Variants in SDK1 observed in about 807,000 individuals in gnomAD.
SDK1 encodes protein sidekick-1.
In SDK1, 157 loss-of-function variants were observed where a neutral mutation model predicts 245.5. The observed-to-expected ratio is 0.64, with a 90% CI of 0.56 to 0.73. SDK1 has a LOEUF of 0.73. Among genes scored for constraint, SDK1 ranks in the 30% least tolerant of loss-of-function variants. SDK1 has a pLI of 0.00. For synonymous variants in SDK1, 1,647 were observed against 1,278.5 expected, an observed-to-expected ratio of 1.29 and a Z score of -6.15; for missense variants, 3,583 against 3,002.3, an observed-to-expected ratio of 1.19 and a Z score of -4.52.
intron 4 of SDK1, among the ~76,000 whole-genome samples, chr7:3,713,571 A>G (rs1785111253): frequency 6.6e-6 from 1 of 152,176 alleles, no homozygotes; most frequent in African/African-American, 2.4e-5. Flanking sequence ...TCTAGACTTC[A>G]GTATTTATAC....
chr7:3,706,160 A>G (rs939911334), intron 4 of SDK1, among the ~76,000 whole-genome samples: 23 of 152,144 alleles, frequency 1.5e-4, no homozygotes, highest in African/African-American at 5.3e-4. Flanking sequence ...GTTGGATTCA[A>G]TTAGTTCATA....
At chr7:3,875,169 A>T (rs1781045740) in intron 5 of SDK1, among the ~76,000 whole-genome samples, 1 of 152,132 alleles carries the variant, frequency 6.6e-6, no homozygotes, top group Admixed American at 6.5e-5. Context: ...TTCTCCCTGG[A>T]AATGTCTATC....
At chr7:3,718,449 G>T (rs1299263793) in intron 4 of SDK1, among the ~76,000 whole-genome samples, 1 of 151,792 alleles carries the variant, frequency 6.6e-6, no homozygotes, top group African/African-American at 2.4e-5. Context: ...TTGAGGCCCG[G>T]AGGTTGAGGC....
At chr7:3,347,078 T>C (rs183916341) in intron 1 of SDK1, among the ~76,000 whole-genome samples, 1 of 151,664 alleles carries the variant, frequency 6.6e-6, no homozygotes, top group African/African-American at 2.4e-5. Context: ...TGAAAGACTT[T>C]GCATCTTCGT....
Position 3,951,886 on chromosome 7 carries a change from A to G in SDK1, c.1116A>G (p.Glu372=), listed in dbSNP as rs766171109. 8 of 1,613,288 alleles carry G rather than the reference A, an allele frequency of 5.0e-6. No individual in the cohort carries two copies. The African/African-American group carries it at 1.1e-4, about 22-fold the overall frequency. ...CGGCGCTGCCGGGGAGCGCTTTTGA[A>G]CCGGCCAGGGCGACGGCCTTTCTTT... is the stretch of plus-strand genomic sequence containing the variant. ...CEAALPGSAF[E]PARATAFLFI... The change falls in exon 7 of 45, where the codon GAA becomes GAG. Residue 372 remains glutamate, a synonymous_variant. Coordinates refer to ENST00000404826, the MANE Select transcript of SDK1 (RefSeq NM_152744.4).
At chr7:4,236,227 C>G (rs767905508) in intron 41 of SDK1, among the ~76,000 whole-genome samples, 2 of 152,164 alleles carry the variant, frequency 1.3e-5, no homozygotes, top group African/African-American at 2.4e-5. Flanking sequence ...GCTTTCTGTT[C>G]TGGGGGGCTT....
At chr7:3,386,676 C>A (rs1302408035) in intron 1 of SDK1, among the ~76,000 whole-genome samples, 3 of 152,130 alleles carry the variant, frequency 2.0e-5, no homozygotes, top group African/African-American at 7.2e-5. Context: ...AAAATCAAGC[C>A]CAGATTTTCC....
chr7:4,163,255 C>T (rs1341888391), intron 32 of SDK1, among the ~76,000 whole-genome samples: 1 of 152,078 alleles, frequency 6.6e-6, no homozygotes, highest in African/African-American at 2.4e-5. Flanking sequence ...GTCAGGAGGG[C>T]AGTCTGGTGG....
rs1408361139 is a variant in SDK1 at position 4,266,399 on chromosome 7, C to T, written c.*1015C>T. 3 of 985,224 alleles carry T rather than the reference C, an allele frequency of 3.0e-6. No homozygotes were observed. The highest frequency in any genetic ancestry group is 1.7e-5 in the African/African-American group (1 of 57,192). The allele number at this position is 985,224 out of a possible 1,614,324, so 61.0% of individuals were successfully genotyped here. ...TGTCTGCAAATAAAGCAAAACAGCTCTGAGAACACACGCTCCCGACTCGCC... is the reference window on the plus strand; with the variant it reads ...TGTCTGCAAATAAAGCAAAACAGCTTTGAGAACACACGCTCCCGACTCGCC... On this transcript the variant is annotated 3_prime_UTR_variant, in exon 45 of 45. Coordinates refer to ENST00000404826, the MANE Select transcript of SDK1 (RefSeq NM_152744.4).
intron 5 of SDK1, among the ~76,000 whole-genome samples, chr7:3,831,788 C>T (rs1779918313): frequency 6.6e-6 from 1 of 152,072 alleles, no homozygotes; most frequent in Non-Finnish European, 1.5e-5. Flanking sequence ...GGCATGTTGA[C>T]TCATGCCCAG....
At chr7:3,974,747 G>T in intron 13 of SDK1, 1 of 535,886 alleles carries the variant, frequency 1.9e-6, no homozygotes, top group Non-Finnish European at 3.3e-6. Context: ...GAGAAGTTTC[G>T]TTTTTGGTGT....
Position 4,149,336 on chromosome 7 carries a change from G to A in SDK1, c.4498G>A (p.Val1500Ile). The A allele has an allele frequency of 6.3e-7, 1 of 1,592,006 alleles. No homozygotes were observed. Among genetic ancestry groups the A allele is most frequent in the African/African-American group, 1.4e-5 (1 of 74,068 alleles). Residue 1500 changes from valine to isoleucine, a missense_variant, in exon 30 of 45, where the codon GTC becomes ATC. By Grantham distance (29) the Val-to-Ile change is conservative. Coordinates refer to ENST00000404826, the MANE Select transcript of SDK1 (RefSeq NM_152744.4). ...CGCACGCAGCCTCCGGCTCCAGTGG[G>A]TCCCGGGCAGCGACGGGGCCTCCCC... ...VTARSLRLQW[V>I]PGSDGASPIR...
At chr7:3,355,956 C>T (rs571272766) in intron 1 of SDK1, among the ~76,000 whole-genome samples, 193 of 152,240 alleles carry the variant, frequency 1.3e-3, no homozygotes, top group Non-Finnish European at 2.4e-3. Context: ...GGTATTTCTC[C>T]AGCTTGTCCT....
At chr7:3,658,580 C>A (rs1333706031) in intron 4 of SDK1, among the ~76,000 whole-genome samples, 2 of 150,292 alleles carry the variant, frequency 1.3e-5, no homozygotes, top group African/African-American at 4.9e-5. Flanking sequence ...AGTATATTCA[C>A]ACGGTAGTAG....
intron 4 of SDK1, among the ~76,000 whole-genome samples, chr7:3,768,522 G>T (rs1159031058): frequency 1.3e-5 from 2 of 152,204 alleles, no homozygotes; most frequent in Non-Finnish European, 2.9e-5. Context: ...TCCTGAGACT[G>T]TGTCTGATAA....
At chr7:3,382,778 G>A (rs1298501970) in intron 1 of SDK1, among the ~76,000 whole-genome samples, 2 of 152,106 alleles carry the variant, frequency 1.3e-5, no homozygotes, top group Admixed American at 1.3e-4. Context: ...CTCACAACAT[G>A]AATAGTTTTT....
chr7:3,422,056 A>T (rs1180777145), intron 1 of SDK1, among the ~76,000 whole-genome samples: 1 of 152,182 alleles, frequency 6.6e-6, no homozygotes, highest in Non-Finnish European at 1.5e-5. Flanking sequence ...AGGAAATTAG[A>T]AGATATGAGG....
intron 17 of SDK1, among the ~76,000 whole-genome samples, chr7:4,037,726 C>T (rs1283005617): frequency 2.0e-5 from 3 of 152,158 alleles, no homozygotes; most frequent in Admixed American, 1.3e-4. Context: ...TTTTATTAGA[C>T]GTGCCATTCT....
At chr7:4,253,551 C>A (rs1014368901) in intron 44 of SDK1, among the ~76,000 whole-genome samples, 1 of 152,110 alleles carries the variant, frequency 6.6e-6, no homozygotes, top group Non-Finnish European at 1.5e-5. Flanking sequence ...TAAGGCCTGG[C>A]CTATGGTCTA....
Sources: gnomAD v4.1 joint callset for allele counts (sites outside exome capture counted in the v4.1 genomes callset) on GRCh38, gnomAD v4.1.1 for gene constraint, MANE v1.5 for transcripts, NCBI Gene and HGNC (gene_info 2026-07-23, HGNC 2026-07-21) for gene names.